TBC1D14: variants seen among roughly 807,000 people sequenced by gnomAD.
TBC1D14 encodes the protein TBC1 domain family member 14.
A neutral mutation model predicts 79.0 loss-of-function variants in TBC1D14; 26 were observed. That is an observed-to-expected ratio of 0.33 (90% CI 0.24 to 0.46). The LOEUF is 0.46. Ranked by LOEUF, TBC1D14 falls within the 20% of genes least tolerant of loss-of-function variation. The probability of loss-of-function intolerance (pLI) is 1.00; values close to 1 mark genes in which losing one functional copy is unlikely to be tolerated. For missense variants in TBC1D14, 769 were observed against 887.6 expected (o/e 0.87, Z 1.70); for synonymous variants, 394 against 349.9 (o/e 1.13, Z -1.40).
chr4:6,993,677 A>G (rs543670391), intron 3 of TBC1D14, among the ~76,000 whole-genome samples: 3 of 152,212 alleles, frequency 2.0e-5, no homozygotes, highest in South Asian at 4.1e-4. Flanking sequence ...GGAAGCGTGC[A>G]GTCATATCAT....
intron 2 of TBC1D14, among the ~76,000 whole-genome samples, chr4:6,936,429 G>A (rs974692752): frequency 6.6e-6 from 1 of 152,196 alleles, no homozygotes; most frequent in Non-Finnish European, 1.5e-5. Context: ...CTTTTACTTA[G>A]TAATGTAAAT....
intron 2 of TBC1D14, among the ~76,000 whole-genome samples, chr4:6,939,372 C>T (rs942836414): frequency 6.0e-5 from 9 of 151,144 alleles, no homozygotes; most frequent in Admixed American, 1.3e-4. Flanking sequence ...ACTCCCAGCT[C>T]TGTGGCTGGG....
chr4:7,028,090 A>G (rs1161759388), intron 13 of TBC1D14, among the ~76,000 whole-genome samples: 5 of 142,270 alleles, frequency 3.5e-5, no homozygotes, highest in African/African-American at 1.1e-4. Context: ...CACCCCCCAC[A>G]TACACCTATC....
chr4:6,987,089 TGTGCCCGCCCCTC>T, intron 3 of TBC1D14: 5 of 907,536 alleles, frequency 5.5e-6, no homozygotes, highest in Middle Eastern at 1.0e-3. Flanking sequence ...CCCCGCCCCT[TGTGCCCGCCCCTC>T]GCCGCTCATC....
intron 1 of TBC1D14, among the ~76,000 whole-genome samples, chr4:6,920,695 A>G (rs1470676671): frequency 6.6e-6 from 1 of 152,196 alleles, no homozygotes. Flanking sequence ...CTCCCAAGGC[A>G]ATATAGAGCC....
intron 11 of TBC1D14, 33 bp from the exon 12 acceptor site, chr4:7,014,415 A>T: frequency 7.0e-7 from 1 of 1,435,612 alleles, no homozygotes; most frequent in Middle Eastern, 1.7e-4. Flanking sequence ...TTGTGCAGAT[A>T]GTTTCTGAGT....
chr4:6,912,787 T>G (rs1676082583), intron 1 of TBC1D14, among the ~76,000 whole-genome samples: 1 of 152,222 alleles, frequency 6.6e-6, no homozygotes, highest in South Asian at 2.1e-4. Context: ...CCCCTAATCT[T>G]GTCAACTGCC....
intron 6 of TBC1D14, 89 bp from the exon 7 acceptor site, chr4:7,001,056 C>T (rs1560331960): frequency 9.4e-7 from 1 of 1,066,606 alleles, no homozygotes; most frequent in Non-Finnish European, 1.4e-6. Context: ...CGGTGCATCC[C>T]AGCTCTTGGT....
chr4:7,012,092 A>G (rs1368474180), intron 11 of TBC1D14, among the ~76,000 whole-genome samples: 1 of 151,826 alleles, frequency 6.6e-6, no homozygotes, highest in Non-Finnish European at 1.5e-5. Flanking sequence ...CGAGGTCAGG[A>G]GTAACACACG....
At chr4:6,927,296 G>A (rs542981403) in intron 2 of TBC1D14, among the ~76,000 whole-genome samples, 73 of 152,188 alleles carry the variant, frequency 4.8e-4, no homozygotes, top group Admixed American at 2.3e-3. Context: ...TACTGTGGGT[G>A]GGGAGGGGGT....
intron 5 of TBC1D14, among the ~76,000 whole-genome samples, chr4:6,997,706 T>A (rs1185242280): frequency 6.6e-6 from 1 of 152,182 alleles, no homozygotes; most frequent in Admixed American, 6.5e-5. Flanking sequence ...GGAAGGAAAT[T>A]CTGGCACATG....
intron 1 of TBC1D14, among the ~76,000 whole-genome samples, chr4:6,910,792 A>G (rs372057222): frequency 2.0e-5 from 3 of 152,170 alleles, no homozygotes; most frequent in African/African-American, 4.8e-5. Flanking sequence ...AAAGTTGCAT[A>G]GGACGCCGTT....
chr4:7,019,499 A>G lies in TBC1D14; in HGVS notation c.1757+4942A>G, dbSNP rs115677886. Among the ~76,000 whole-genome samples the G allele has an allele frequency of 1.4e-3, 211 of 152,154 alleles. 2 individuals are homozygous for G. Among genetic ancestry groups the G allele is most frequent in the African/African-American group, 4.8e-3 (200 of 41,506 alleles). On this transcript the variant is annotated intron_variant, in intron 12 of 13. Coordinates refer to ENST00000409757, the MANE Select transcript of TBC1D14 (RefSeq NM_020773.3). Reference sequence around the variant, plus strand: ...CACGTCTGGCTTAGGTTGGGTCTTTATGGGCATGTGGAGGAGGGAAGAGCG... The same window carrying G: ...CACGTCTGGCTTAGGTTGGGTCTTTGTGGGCATGTGGAGGAGGGAAGAGCG...
In TBC1D14 at chr4:6,951,383, C is replaced by T. The variant is rs116650227; in HGVS notation, c.723-15921C>T. ...CCATTTTATTGTATATGAATTGAAA[C>T]AATAATAGCTGGGTGTGGTAGCCTG... On this transcript the variant is annotated intron_variant, in intron 2 of 13. Coordinates refer to ENST00000409757, the MANE Select transcript of TBC1D14 (RefSeq NM_020773.3). Among the ~76,000 whole-genome samples the T allele has an allele frequency of 3.2e-3, 487 of 152,182 alleles. 1 individual carries two copies. The highest frequency in any genetic ancestry group is 0.011 in the African/African-American group (458 of 41,514).
intron 1 of TBC1D14, among the ~76,000 whole-genome samples, chr4:6,910,989 T>C (rs1722940254): frequency 6.6e-6 from 1 of 152,182 alleles, no homozygotes; most frequent in South Asian, 2.1e-4. Context: ...TTGTAGGATG[T>C]TGGCACCTAG....
chr4:6,944,400 C>T lies in TBC1D14; in HGVS notation c.722+20289C>T, dbSNP rs184979322. On this transcript the variant is annotated intron_variant, in intron 2 of 13. Transcript: ENST00000409757. Reference sequence around the variant, plus strand: ...TCTGCGTTTTGATGATGGAATTCCCCATGGGCTTCAGAGTGCGGTGCCTGC... The same window carrying T: ...TCTGCGTTTTGATGATGGAATTCCCTATGGGCTTCAGAGTGCGGTGCCTGC... Among the ~76,000 whole-genome samples the T allele has an allele frequency of 1.1e-3, 162 of 152,322 alleles. 1 individual carries two copies. The highest frequency in any genetic ancestry group is 3.7e-3 in the African/African-American group (155 of 41,564).
intron 12 of TBC1D14, among the ~76,000 whole-genome samples, chr4:7,021,420 A>G (rs1031684423): frequency 9.8e-5 from 15 of 152,300 alleles, no homozygotes; most frequent in Non-Finnish European, 2.2e-4. Context: ...CAACACAGTG[A>G]GACCCTATGT....
At chr4:7,004,299 C>T (rs113804584) in intron 7 of TBC1D14, among the ~76,000 whole-genome samples, 2,526 of 152,342 alleles carry the variant, frequency 0.017, 62 homozygotes, top group African/African-American at 0.058. Context: ...GAAGCTTCTG[C>T]GTATTCCTGG....
At chr4:6,933,454 G>T (rs1035147960) in intron 2 of TBC1D14, among the ~76,000 whole-genome samples, 2 of 151,192 alleles carry the variant, frequency 1.3e-5, no homozygotes, top group Non-Finnish European at 2.9e-5. Flanking sequence ...ACAGACGTGC[G>T]CCATCACACA....
Sources: gnomAD v4.1 joint callset for allele counts (sites outside exome capture counted in the v4.1 genomes callset) on GRCh38, gnomAD v4.1.1 for gene constraint, MANE v1.5 for transcripts, NCBI Gene and HGNC (gene_info 2026-07-23, HGNC 2026-07-21) for gene names.